PDZD2: variants seen among roughly 807,000 people sequenced by gnomAD.
The protein encoded by PDZD2 is PDZ domain-containing protein 2.
A neutral mutation model predicts 220.7 loss-of-function variants in PDZD2; 90 were observed. That is an observed-to-expected ratio of 0.41 (90% CI 0.34 to 0.49). The LOEUF is 0.49. Among genes scored for constraint, PDZD2 ranks in the 20% least tolerant of loss-of-function variants. The pLI is 0.28. For missense variants in PDZD2, 3,174 were observed against 3,608.5 expected (o/e 0.88, Z 3.08); for synonymous variants, 1,375 against 1,450.5 (o/e 0.95, Z 1.18).
chr5:31,705,175 T>TAC (rs755393785), intron 1 of PDZD2, among the ~76,000 whole-genome samples: 1,648 of 84,188 alleles, frequency 0.02, 12 homozygotes, highest in Middle Eastern at 0.042. Context: ...AATACATGTA[T>TAC]ACACACACAC....
chr5:31,970,006 C>T (rs374396560), intron 2 of PDZD2, among the ~76,000 whole-genome samples: 1 of 152,118 alleles, frequency 6.6e-6, no homozygotes. Context: ...TCAAGCAGTT[C>T]TCCTGCCTCA....
intron 19 of PDZD2, among the ~76,000 whole-genome samples, chr5:32,085,231 C>T (rs1187860426): frequency 4.0e-5 from 6 of 149,380 alleles, no homozygotes; most frequent in African/African-American, 1.2e-4. Flanking sequence ...GGATTACAGG[C>T]GTGATCCACC....
Position 32,074,095 on chromosome 5 carries a change from T to C in PDZD2, c.2989T>C (p.Ser997Pro). ...CCTCCCGGGTCCCATCAGGCCTCTGTCAGAGGATGACCCGAGGCGTGTCTC... is the reference window on the plus strand; with the variant it reads ...CCTCCCGGGTCCCATCAGGCCTCTGCCAGAGGATGACCCGAGGCGTGTCTC... ...GALPGPIRPL[S>P]EDDPRRVSIS... The change falls in exon 18 of 25, where the codon TCA (serine) becomes CCA (proline). Residue 997 changes from serine (S) to proline (P), a missense_variant. By Grantham distance (74) the Ser-to-Pro change is moderately conservative. This residue lies in a region of PDZD2 where 1,861 missense variants were observed against 2,001.0 expected (regional missense o/e 0.93). Coordinates refer to ENST00000438447, the MANE Select transcript of PDZD2 (RefSeq NM_178140.4). 1 of 1,614,158 alleles carries C rather than the reference T, an allele frequency of 6.2e-7. No individual in the cohort carries two copies. Among genetic ancestry groups the C allele is most frequent in the South Asian group, 1.1e-5 (1 of 91,084 alleles).
At chr5:31,792,782 C>T (rs1320129205) in intron 1 of PDZD2, among the ~76,000 whole-genome samples, 1 of 152,004 alleles carries the variant, frequency 6.6e-6, no homozygotes, top group Non-Finnish European at 1.5e-5. Context: ...CCTGCAGCAC[C>T]ACTGTAGCAG....
chr5:31,949,239 C>T (rs367798491), intron 2 of PDZD2, among the ~76,000 whole-genome samples: 1 of 151,496 alleles, frequency 6.6e-6, no homozygotes, highest in East Asian at 1.9e-4. Flanking sequence ...AAGTTCTTCA[C>T]GTGCAACCAA....
chr5:31,644,997 C>T (rs773339366), intron 1 of PDZD2, among the ~76,000 whole-genome samples: 1 of 152,102 alleles, frequency 6.6e-6, no homozygotes, highest in Admixed American at 6.6e-5. Flanking sequence ...ACAATTGTTG[C>T]GAGCTCTGAA....
chr5:31,885,560 C>T (rs1331468753), intron 2 of PDZD2, among the ~76,000 whole-genome samples: 1 of 152,112 alleles, frequency 6.6e-6, no homozygotes, highest in Non-Finnish European at 1.5e-5. Flanking sequence ...GTCCACATTA[C>T]AGAATACTAT....
chr5:31,817,388 G>C (rs901683699), intron 2 of PDZD2, among the ~76,000 whole-genome samples: 2 of 151,580 alleles, frequency 1.3e-5, no homozygotes, highest in African/African-American at 4.8e-5. Flanking sequence ...CAGCTACTTG[G>C]GAGGCTGAGG....
chr5:32,010,521 C>G, intron 6 of PDZD2, 39 bp downstream of exon 6: 1 of 1,522,246 alleles, frequency 6.6e-7, no homozygotes, highest in Non-Finnish European at 9.1e-7. Flanking sequence ...GTTGGAATTA[C>G]TTTTTTCTGA....
rs1023469674 is a variant in PDZD2 at position 32,083,626 on chromosome 5, A to G, written c.3683-3505A>G. The G allele has an allele frequency of 6.6e-6, 1 of 152,174 alleles. No individual in the cohort carries two copies. The highest frequency in any genetic ancestry group is 1.5e-5 in the Non-Finnish European group (1 of 68,032). The allele number at this position is 152,174 out of a possible 1,614,324, so 9.4% of individuals were successfully genotyped here. A position where few individuals can be genotyped will look rare whatever the true frequency, so the allele number is the denominator to read the frequency against. ...AGTTACAGACTTTGCAATAAAGTCAAATTGCTAACATGAATTGCCTGTTTA... is the reference window on the plus strand; with the variant it reads ...AGTTACAGACTTTGCAATAAAGTCAGATTGCTAACATGAATTGCCTGTTTA... On this transcript the variant is annotated intron_variant, in intron 19 of 24. Transcript: ENST00000438447. This position sits in a 1 kb window ranked among gnomAD's most constrained non-coding sequence, Gnocchi z 4.1.
rs283106 is a variant in PDZD2, at chr5:32,096,929, G to A, written c.7846-350G>A. 9.0e-4 allele frequency among the ~76,000 whole-genome samples: 127 copies of A among 141,318 alleles called. 1 individual carries two copies. The East Asian group carries it at 0.015, about 17-fold the overall frequency. 92.7% of individuals were successfully genotyped at this position (141,318 alleles called of 152,430 possible). A position where few individuals can be genotyped will look rare whatever the true frequency, so the allele number is the denominator to read the frequency against. On this transcript the variant is annotated intron_variant, in intron 21 of 24. Transcript: ENST00000438447. ...TGGCTCACTGCAGCCGTGACCTTCC[G>A]GGCTTAGGTAATCCTCCCACCTCAG...
chr5:31,812,887 T>C (rs1755206934), intron 2 of PDZD2, among the ~76,000 whole-genome samples: 1 of 152,170 alleles, frequency 6.6e-6, no homozygotes, highest in Non-Finnish European at 1.5e-5. Flanking sequence ...GGCCTAAAAA[T>C]ACTACAATTA....
intron 1 of PDZD2, among the ~76,000 whole-genome samples, chr5:31,671,431 C>T (rs1018479161): frequency 5.3e-5 from 8 of 152,210 alleles, no homozygotes; most frequent in African/African-American, 1.9e-4. Context: ...GCTTCTTTTC[C>T]TGTGCAATGT....
At chr5:31,917,884 C>T (rs1030290314) in intron 2 of PDZD2, among the ~76,000 whole-genome samples, 7 of 152,250 alleles carry the variant, frequency 4.6e-5, no homozygotes, top group South Asian at 4.2e-4. Flanking sequence ...GGACTACAGG[C>T]GTGTGCCCCT....
chr5:32,019,543 T>A (rs905287598), intron 6 of PDZD2, among the ~76,000 whole-genome samples: 6 of 152,086 alleles, frequency 3.9e-5, no homozygotes, highest in African/African-American at 1.4e-4. Context: ...TCCCTTGGGG[T>A]GTGGAAGGAA....
rs560816400 is a variant in PDZD2 at position 32,086,745 on chromosome 5, C to T, written c.3683-386C>T. Among the ~76,000 whole-genome samples the T allele has an allele frequency of 7.2e-4, 109 of 152,064 alleles. 1 individual carries two copies. The highest frequency in any genetic ancestry group is 6.8e-4 in the Non-Finnish European group (46 of 68,004). On this transcript the variant is annotated intron_variant, in intron 19 of 24. Transcript: ENST00000438447. ...AGGCTGCAGTGCAATGGCACATTCT[C>T]GGCTCACTGCAACCTCCACCTCCCA...
intron 2 of PDZD2, chr5:31,855,109 C>A (rs182665702): frequency 0.015 from 14,940 of 985,376 alleles, 117 homozygotes; most frequent in Non-Finnish European, 0.017. Context: ...CAGCTGCTGC[C>A]GGCGGAGACT....
chr5:31,715,243 T>C (rs1748375859), intron 1 of PDZD2, among the ~76,000 whole-genome samples: 1 of 152,140 alleles, frequency 6.6e-6, no homozygotes, highest in Non-Finnish European at 1.5e-5. Context: ...GAGGGCTTTA[T>C]ACAAGAAGTT....
intron 1 of PDZD2, among the ~76,000 whole-genome samples, chr5:31,785,185 C>T (rs960582069): frequency 6.6e-6 from 1 of 151,996 alleles, no homozygotes; most frequent in African/African-American, 2.4e-5. Context: ...AATGAATGAG[C>T]TTTCTTGCTG....
Sources: allele counts gnomAD v4.1 joint callset (sites outside exome capture counted in the v4.1 genomes callset), GRCh38; gene constraint gnomAD v4.1.1; regional missense constraint gnomAD v4.1.1; non-coding constraint Gnocchi (gnomAD v3.1); transcripts MANE v1.5; gene names NCBI Gene and HGNC (gene_info 2026-07-23, HGNC 2026-07-21).